Variants in CFAP52 observed in about 807,000 individuals in gnomAD.
The protein encoded by CFAP52 is cilia- and flagella-associated protein 52.
Under a neutral mutation model 70.5 loss-of-function variants are expected in CFAP52, and 57 were observed. That is an observed-to-expected ratio of 0.81 (90% CI 0.65 to 1.01). The LOEUF is 1.01. Among genes scored for constraint, CFAP52 ranks in the 50% least tolerant of loss-of-function variants. The pLI is 0.00. For missense variants in CFAP52, 785 were observed against 788.5 expected (o/e 1.00, Z 0.05); for synonymous variants, 267 against 292.5 (o/e 0.91, Z 0.89).
intron 11 of CFAP52, among the ~76,000 whole-genome samples, chr17:9,637,791 T>C (rs1312684771): frequency 6.6e-6 from 1 of 152,238 alleles, no homozygotes; most frequent in East Asian, 1.9e-4. Flanking sequence ...GCCAGGCTGG[T>C]CTCAATCTCC....
Position 9,598,331 on chromosome 17 carries a change from GGAGT to G in CFAP52, c.635_636+2del. The G allele has an allele frequency of 6.2e-7, 1 of 1,607,918 alleles. No homozygotes were observed. The highest frequency in any genetic ancestry group is 1.1e-5 in the South Asian group (1 of 89,842). On this transcript the variant is annotated splice_donor_variant and coding_sequence_variant, in exon 5 of 14. Coordinates refer to ENST00000352665, the MANE Select transcript of CFAP52 (RefSeq NM_145054.5). LOFTEE classifies it high-confidence loss of function. ...GTTGAAAAGAATAGTCATGAGTATT[GGAGT>G]AAGTATTAATTTAAGTATTAAGTAA...
chr17:9,636,583 C>T (rs1910814567), intron 11 of CFAP52, among the ~76,000 whole-genome samples: 1 of 152,092 alleles, frequency 6.6e-6, no homozygotes, highest in Admixed American at 6.5e-5. Context: ...CCACCCCTCT[C>T]CCCACCCACC....
At chr17:9,636,238 A>T (rs893137474) in intron 11 of CFAP52, among the ~76,000 whole-genome samples, 3 of 141,350 alleles carry the variant, frequency 2.1e-5, no homozygotes, top group Non-Finnish European at 4.5e-5. Context: ...AAAGAAAGAA[A>T]GAAAGAAAGA....
intron 6 of CFAP52, among the ~76,000 whole-genome samples, chr17:9,606,193 G>T (rs1184370346): frequency 6.6e-6 from 1 of 152,076 alleles, no homozygotes; most frequent in Non-Finnish European, 1.5e-5. Flanking sequence ...GCCAGCCTGG[G>T]CAGCATAGAA....
In CFAP52 at chr17:9,635,413, A is replaced by T; in HGVS notation, c.1329A>T (p.Val443=). 6.2e-7 allele frequency: 1 copy of T among 1,614,076 alleles called. No homozygotes were observed. Residue 443 remains valine (V), a synonymous_variant, in exon 11 of 14, where the codon GTA becomes GTT. Coordinates refer to ENST00000352665, the MANE Select transcript of CFAP52 (RefSeq NM_145054.5). ...TGCTCTGTGGCTTTCAGGTGAGGGTATGGCAGATAGGCTGTCAGACCCAGA... is the reference window on the plus strand; with the variant it reads ...TGCTCTGTGGCTTTCAGGTGAGGGTTTGGCAGATAGGCTGTCAGACCCAGA... ...ISGGGEGEVR[V]WQIGCQTQKL...
At chr17:9,594,445 T>C in intron 4 of CFAP52, 124 bp downstream of exon 4, 1 of 1,266,108 alleles carries the variant, frequency 7.9e-7, no homozygotes, top group Admixed American at 2.8e-5. Context: ...TACATCATAG[T>C]TTTTGTGATT....
chr17:9,623,840 T>G (rs1910138732), intron 8 of CFAP52, among the ~76,000 whole-genome samples: 3 of 152,128 alleles, frequency 2.0e-5, no homozygotes. Context: ...GGACTAGAGG[T>G]GCATGCCATT....
Position 9,585,855 on chromosome 17 carries a change from A to G in CFAP52, c.153A>G (p.Ala51=), listed in dbSNP as rs777330972. 1.2e-6 allele frequency: 2 copies of G among 1,614,056 alleles called. No homozygotes were observed. Among genetic ancestry groups the G allele is most frequent in the South Asian group, 2.2e-5 (2 of 91,076 alleles). The change falls in exon 2 of 14, where the codon GCA becomes GCG. Residue 51 remains alanine (A), a synonymous_variant. Transcript: ENST00000352665. The part of the protein sequence containing the change: ...YPLGCTVLIQ[A]INTKEQNFLQ... ...TTGGTTGCACAGTCCTCATTCAGGC[A>G]ATAAATACTAAAGAGCAGAACTTCC...
chr17:9,594,892 G>GTTT (rs1567623484), intron 4 of CFAP52, among the ~76,000 whole-genome samples: 2 of 39,008 alleles, frequency 5.1e-5, no homozygotes, highest in East Asian at 6.6e-4. Flanking sequence ...AATTAGGGAG[G>GTTT]GTTTTTTTTT....
chr17:9,590,765 T>C (rs1163666231), intron 3 of CFAP52, among the ~76,000 whole-genome samples: 1 of 152,126 alleles, frequency 6.6e-6, no homozygotes, highest in African/African-American at 2.4e-5. Flanking sequence ...CTAAAATTTG[T>C]TTGCAGAACA....
intron 6 of CFAP52, among the ~76,000 whole-genome samples, chr17:9,606,130 C>T (rs1249485614): frequency 6.6e-6 from 1 of 152,138 alleles, no homozygotes; most frequent in Non-Finnish European, 1.5e-5. Context: ...TGCCTGTAAT[C>T]TTAGCGCTTT....
rs1273483884 is a variant in CFAP52 at position 9,585,813 on chromosome 17, G to A, written c.111G>A (p.Glu37=). 1.2e-5 allele frequency: 20 copies of A among 1,614,064 alleles called. No individual in the cohort carries two copies. Among genetic ancestry groups the A allele is most frequent in the South Asian group, 1.2e-4 (11 of 91,080 alleles). The change falls in exon 2 of 14, where the codon GAG becomes GAA. Residue 37 remains glutamate, a synonymous_variant. Coordinates refer to ENST00000352665, the MANE Select transcript of CFAP52 (RefSeq NM_145054.5). ...GTCTCAAATGCCATCCTGACCAGGA[G>A]CATATGATTTATCCTCTTGGTTGCA... ...PTGLKCHPDQ[E]HMIYPLGCTV... is the part of the protein sequence containing the mutation.
At chr17:9,627,232 G>A (rs1910271631) in intron 8 of CFAP52, among the ~76,000 whole-genome samples, 1 of 151,640 alleles carries the variant, frequency 6.6e-6, no homozygotes, top group Admixed American at 6.6e-5. Flanking sequence ...CTGCTTGGCT[G>A]GGCACAGTGG....
chr17:9,627,522 GAATA>G (rs1196649544), intron 8 of CFAP52, among the ~76,000 whole-genome samples: 2 of 151,778 alleles, frequency 1.3e-5, no homozygotes, highest in South Asian at 2.1e-4. Flanking sequence ...ATAAATAAAT[GAATA>G]AATAAATAAA....
intron 7 of CFAP52, among the ~76,000 whole-genome samples, chr17:9,608,626 A>G (rs578043870): frequency 1.6e-4 from 24 of 152,240 alleles, no homozygotes; most frequent in Non-Finnish European, 3.4e-4. Context: ...GCATTGTGTT[A>G]ATCATGCATT....
At chr17:9,604,314 C>T (rs1397114937) in intron 6 of CFAP52, among the ~76,000 whole-genome samples, 1 of 152,084 alleles carries the variant, frequency 6.6e-6, no homozygotes, top group African/African-American at 2.4e-5. Flanking sequence ...CCATGAAAGA[C>T]ACTGTCAAGA....
chr17:9,629,483 CTTT>C (rs1910363757), intron 9 of CFAP52, among the ~76,000 whole-genome samples: 1 of 133,024 alleles, frequency 7.5e-6, no homozygotes, highest in East Asian at 2.4e-4. Context: ...CCCTTTCTTT[CTTT>C]CTTTCTTTCT....
chr17:9,636,183 GAAAGAAAGAA>G (rs1345872009), intron 11 of CFAP52, among the ~76,000 whole-genome samples: 1 of 49,042 alleles, frequency 2.0e-5, no homozygotes, highest in Non-Finnish European at 3.7e-5. Context: ...TCAAAAAAAA[GAAAGAAAGAA>G]AGAAAGAAAG....
intron 1 of CFAP52, among the ~76,000 whole-genome samples, chr17:9,582,370 C>G (rs1460285705): frequency 1.3e-5 from 2 of 152,190 alleles, no homozygotes; most frequent in African/African-American, 4.8e-5. Context: ...CATGGTATCT[C>G]ATTTCGGACA....
Sources: gnomAD v4.1 joint callset for allele counts (sites outside exome capture counted in the v4.1 genomes callset) on GRCh38, gnomAD v4.1.1 for gene constraint, MANE v1.5 for transcripts, NCBI Gene and HGNC (gene_info 2026-07-23, HGNC 2026-07-21) for gene names.